Variants in CHST3 observed in about 807,000 individuals in gnomAD.
The protein encoded by CHST3 is carbohydrate sulfotransferase 3.
A neutral mutation model predicts 35.4 loss-of-function variants in CHST3; 20 were observed. The ratio of observed to expected loss-of-function variants is 0.57; its 90% CI spans 0.40 to 0.82. The LOEUF (loss-of-function observed/expected upper bound fraction) is 0.82, where lower values mean the gene tolerates loss of function less well. Among genes scored for constraint, CHST3 ranks in the 40% least tolerant of loss-of-function variants. The pLI is 0.00. For synonymous variants in CHST3, 334 were observed against 295.9 expected (o/e 1.13, Z -1.32); for missense variants, 693 against 670.1 (o/e 1.03, Z -0.38).
rs755810322 is a variant in CHST3, at chr10:72,005,943, T to G, written c.101T>G (p.Val34Gly). Residue 34 changes from valine (V) to glycine (G), a missense_variant, in exon 2 of 3, where the codon GTT becomes GGT. Coordinates refer to ENST00000373115, the MANE Select transcript of CHST3 (RefSeq NM_004273.5). ...CTTTTCTTGGTTTTTGTGGTGATAGTTTTTGTCTTCATCGAAAAGGAAAAT... is the reference window on the plus strand; with the variant it reads ...CTTTTCTTGGTTTTTGTGGTGATAGGTTTTGTCTTCATCGAAAAGGAAAAT... ...YALFLVFVVI[V>G]FVFIEKENKI... The G allele has an allele frequency of 6.2e-7, 1 of 1,614,232 alleles. No individual in the cohort carries two copies. The highest frequency in any genetic ancestry group is 1.1e-5 in the South Asian group (1 of 91,084).
chr10:71,980,384 A>C (rs939167454), intron 1 of CHST3, among the ~76,000 whole-genome samples: 1 of 152,196 alleles, frequency 6.6e-6, no homozygotes, highest in Non-Finnish European at 1.5e-5. Flanking sequence ...CATGCTTATC[A>C]ACTCATGCTT....
At position 72,003,574 on chromosome 10, in the gene CHST3, G is replaced by A. The variant is rs546552086; in HGVS notation, c.-107-2162G>A. Among the ~76,000 whole-genome samples the A allele has an allele frequency of 2.3e-4, 35 of 152,020 alleles. No individual in the cohort carries two copies. The South Asian group carries it at 7.1e-3, about 31-fold the overall frequency. On this transcript the variant is annotated intron_variant, in intron 1 of 2. Coordinates refer to ENST00000373115, the MANE Select transcript of CHST3 (RefSeq NM_004273.5). Reference sequence around the variant, plus strand: ...AAATTAGCTGGGAGTGGTGGCACACGCCTGTAATCCCAGCTACTCAGGAGG... The same window carrying A: ...AAATTAGCTGGGAGTGGTGGCACACACCTGTAATCCCAGCTACTCAGGAGG...
intron 1 of CHST3, among the ~76,000 whole-genome samples, chr10:72,003,958 C>A (rs1840015445): frequency 6.6e-6 from 1 of 152,002 alleles, no homozygotes; most frequent in South Asian, 2.1e-4. Flanking sequence ...GGTGGATCAT[C>A]TGAGGTCAGG....
In CHST3 at chr10:72,007,206, C is replaced by A. The variant is rs140362604; in HGVS notation, c.175C>A (p.Leu59Ile). ...CAAGCTGAAGCAGATTCCCCAAGCT[C>A]TAGCAGATGCCAACAGCACCGACCC... ...SDKLKQIPQA[L>I]ADANSTDPAL... The change falls in exon 3 of 3, where the codon CTA (leucine) becomes ATA (isoleucine). Residue 59 changes from leucine (L) to isoleucine (I), a missense_variant. Leu to Ile is a conservative substitution (Grantham distance 5). Coordinates refer to ENST00000373115, the MANE Select transcript of CHST3 (RefSeq NM_004273.5). 1.9e-6 allele frequency: 3 copies of A among 1,614,186 alleles called. No individual in the cohort carries two copies.
intron 1 of CHST3, among the ~76,000 whole-genome samples, chr10:71,974,669 G>T (rs538454746): frequency 5.7e-4 from 87 of 152,300 alleles, no homozygotes; most frequent in African/African-American, 2.0e-3. Context: ...GGGAAAACAT[G>T]ACATCACTGA....
chr10:71,976,275 G>A (rs1029566451), intron 1 of CHST3, among the ~76,000 whole-genome samples: 1 of 152,154 alleles, frequency 6.6e-6, no homozygotes, highest in African/African-American at 2.4e-5. Flanking sequence ...CCCTGGAAGG[G>A]CCTCACTGCG....
Position 72,007,167 on chromosome 10 carries a change from C to CA in CHST3, c.141-4dup. The CA allele has an allele frequency of 6.2e-7, 1 of 1,613,948 alleles. No individual in the cohort carries two copies. The highest frequency in any genetic ancestry group is 2.2e-5 in the East Asian group (1 of 44,886). Reference sequence around the variant, plus strand: ...CACTGACCCTGATCTTCTTTGTCCTCACAGGGTCTCAGACAAGCTGAAGCA... The same window carrying CA: ...CACTGACCCTGATCTTCTTTGTCCTCAACAGGGTCTCAGACAAGCTGAAGCA... On this transcript the variant is annotated splice_polypyrimidine_tract_variant and splice_region_variant and intron_variant, in intron 2 of 2. Transcript: ENST00000373115.
chr10:72,007,864 G>A lies in CHST3; in HGVS notation c.833G>A (p.Arg278Gln), dbSNP rs1053022692. ...EHMALKAVRI[R>Q]QLEFLQPLAE... ...ATGGCCCTCAAGGCGGTGCGCATCC[G>A]GCAGCTGGAGTTCCTGCAGCCGCTG... The change falls in exon 3 of 3, where the codon CGG becomes CAG. Residue 278 changes from arginine (R) to glutamine (Q), a missense_variant. By Grantham distance (43) the Arg-to-Gln change is conservative. Transcript: ENST00000373115. The A allele has an allele frequency of 5.6e-6, 9 of 1,600,120 alleles. No individual in the cohort carries two copies. The South Asian group carries it at 7.8e-5, about 14-fold the overall frequency.
chr10:71,984,536 T>C (rs767160736), intron 1 of CHST3, among the ~76,000 whole-genome samples: 1 of 152,222 alleles, frequency 6.6e-6, no homozygotes, highest in Non-Finnish European at 1.5e-5. Flanking sequence ...CTCTGATCTG[T>C]CCACTGCTGT....
chr10:71,970,106 C>T (rs140720541), intron 1 of CHST3, among the ~76,000 whole-genome samples: 54 of 152,284 alleles, frequency 3.5e-4, no homozygotes, highest in Middle Eastern at 3.4e-3. Context: ...CCGGTGGACA[C>T]GCTTCAGCCC....
chr10:71,970,681 C>T (rs904522692), intron 1 of CHST3, among the ~76,000 whole-genome samples: 2 of 152,186 alleles, frequency 1.3e-5, no homozygotes, highest in African/African-American at 4.8e-5. Flanking sequence ...CTGGACCCTC[C>T]CCAGCAGGCA....
chr10:71,991,548 T>G (rs751894688), intron 1 of CHST3, among the ~76,000 whole-genome samples: 20 of 152,176 alleles, frequency 1.3e-4, no homozygotes, highest in Non-Finnish European at 2.5e-4. Context: ...CTCAGAGGTA[T>G]TGCAGGTTCA....
Position 72,012,304 on chromosome 10 carries a change from C to T in CHST3, c.*3833C>T, listed in dbSNP as rs1047887547. On this transcript the variant is annotated 3_prime_UTR_variant, in exon 3 of 3. Transcript: ENST00000373115. ...TGGCCTGGGTGGTAGAGGAGATATC[C>T]TGACCCTAAAGTCTTCCAGCCCCGG... is the stretch of plus-strand genomic sequence containing the variant. 3 of 152,226 alleles carry T rather than the reference C, an allele frequency of 2.0e-5. No individual in the cohort carries two copies. The highest frequency in any genetic ancestry group is 7.2e-5 in the African/African-American group (3 of 41,442). The allele number at this position is 152,226 out of a possible 1,614,324, so 9.4% of individuals were successfully genotyped here.
At chr10:71,969,740 C>T (rs4148912) in intron 1 of CHST3, among the ~76,000 whole-genome samples, 90,508 of 152,034 alleles carry the variant, frequency 0.6, 29,270 homozygotes, top group South Asian at 0.77. Context: ...TCTTTGTACC[C>T]CTGGTTCCAT....
At chr10:71,978,899 C>T (rs2131743752) in intron 1 of CHST3, among the ~76,000 whole-genome samples, 1 of 152,276 alleles carries the variant, frequency 6.6e-6, no homozygotes, top group East Asian at 1.9e-4. Flanking sequence ...ATGTCTGGAC[C>T]CCTCCCCAGG....
At position 72,011,407 on chromosome 10, in the gene CHST3, G is replaced by A. The variant is rs1013146677; in HGVS notation, c.*2936G>A. ...TTGGGGTTTGGGGAAGGACAGTGTG[G>A]TGTGACTATTGGCTTGAAACGTTAT... On this transcript the variant is annotated 3_prime_UTR_variant, in exon 3 of 3. Coordinates refer to ENST00000373115, the MANE Select transcript of CHST3 (RefSeq NM_004273.5). The A allele has an allele frequency of 6.6e-6, 1 of 152,292 alleles. No homozygotes were observed. Among genetic ancestry groups the A allele is most frequent in the Non-Finnish European group, 1.5e-5 (1 of 68,102 alleles). The allele number at this position is 152,292 out of a possible 1,614,324, so 9.4% of individuals were successfully genotyped here. A position where few individuals can be genotyped will look rare whatever the true frequency, so the allele number is the denominator to read the frequency against.
At chr10:72,006,038 C>T in intron 2 of CHST3, 56 bp downstream of exon 2, 1 of 1,407,212 alleles carries the variant, frequency 7.1e-7, no homozygotes, top group Non-Finnish European at 1.0e-6. Context: ...TGGGTGGGGA[C>T]AGGGAGGTAA....
In CHST3 at chr10:72,007,788, G is replaced by A. The variant is rs200988207; in HGVS notation, c.757G>A (p.Gly253Ser). 7.5e-6 allele frequency: 12 copies of A among 1,601,480 alleles called. No individual in the cohort carries two copies. In the Admixed American group the frequency reaches 1.8e-4, roughly 24 times the overall value. ...GTACCACTGCAAGAACCGCCGCTGCGGCCCCCTCAACGTGACGCTGGCCGC... is the reference window on the plus strand; with the variant it reads ...GTACCACTGCAAGAACCGCCGCTGCAGCCCCCTCAACGTGACGCTGGCCGC... The part of the protein sequence containing the change: ...EKYHCKNRRC[G>S]PLNVTLAAEA... The change falls in exon 3 of 3, where the codon GGC becomes AGC. Residue 253 changes from glycine to serine, a missense_variant. By Grantham distance (56) the Gly-to-Ser change is moderately conservative. Coordinates refer to ENST00000373115, the MANE Select transcript of CHST3 (RefSeq NM_004273.5).
intron 1 of CHST3, among the ~76,000 whole-genome samples, chr10:72,000,036 T>A (rs4148932): frequency 6.6e-6 from 1 of 152,066 alleles, no homozygotes; most frequent in African/African-American, 2.4e-5. Flanking sequence ...TGCCCACAGT[T>A]GGTGGCCATG....
Sources: allele counts gnomAD v4.1 joint callset (sites outside exome capture counted in the v4.1 genomes callset), GRCh38; gene constraint gnomAD v4.1.1; transcripts MANE v1.5; gene names NCBI Gene and HGNC (gene_info 2026-07-23, HGNC 2026-07-21).